Variants in MSH4 observed in about 807,000 individuals in gnomAD.
MSH4 encodes mutS protein homolog 4.
Under a neutral mutation model 113.7 loss-of-function variants are expected in MSH4, and 106 were observed. That is an observed-to-expected ratio of 0.93 (90% CI 0.80 to 1.10). The LOEUF (loss-of-function observed/expected upper bound fraction) is 1.10. Among genes scored for constraint, MSH4 ranks in the 50% least tolerant of loss-of-function variants. The probability of loss-of-function intolerance (pLI) is 0.00; values close to 1 mark genes in which losing one functional copy is unlikely to be tolerated. For missense variants in MSH4, 1,061 were observed against 1,093.7 expected (o/e 0.97, Z 0.42); for synonymous variants, 368 against 380.2 (o/e 0.97, Z 0.37).
chr1:75,882,607 A>AACT (rs1277328360), intron 14 of MSH4, among the ~76,000 whole-genome samples: 1 of 149,510 alleles, frequency 6.7e-6, no homozygotes, highest in Admixed American at 6.8e-5. Context: ...ATCATACCTC[A>AACT]ACTTATGAGC....
chr1:75,808,832 T>C (rs1385331920), intron 3 of MSH4, among the ~76,000 whole-genome samples: 1 of 152,206 alleles, frequency 6.6e-6, no homozygotes, highest in East Asian at 1.9e-4. Flanking sequence ...TCACTCATCA[T>C]TCATTTGGGC....
At chr1:75,906,110 C>T (rs1202472453) in intron 19 of MSH4, among the ~76,000 whole-genome samples, 1 of 151,878 alleles carries the variant, frequency 6.6e-6, no homozygotes, top group Non-Finnish European at 1.5e-5. Context: ...TCTGCCTCAG[C>T]CTCCCAAGTA....
At chr1:75,825,440 A>G (rs12748900) in intron 7 of MSH4, among the ~76,000 whole-genome samples, 1 of 151,812 alleles carries the variant, frequency 6.6e-6, no homozygotes, top group Non-Finnish European at 1.5e-5. Context: ...CTCTTCCTAT[A>G]TGAATACCCT....
rs936572252 is a variant in MSH4 at position 75,883,761 on chromosome 1, A to G, written c.2047A>G (p.Met683Val). The G allele has an allele frequency of 6.2e-7, 1 of 1,613,286 alleles. No individual in the cohort carries two copies. The highest frequency in any genetic ancestry group is 1.3e-5 in the African/African-American group (1 of 74,890). ...TTTTTTGATCATAACTGGACCAAAC[A>G]TGAGTGGAAAATCCACATATTTAAA... ...SNFLIITGPN[M>V]SGKSTYLKQI... Residue 683 changes from methionine to valine, a missense_variant, in exon 15 of 20, where the codon ATG becomes GTG. Transcript: ENST00000263187.
chr1:75,899,775 A>T, intron 19 of MSH4, 69 bp downstream of exon 19: 2 of 613,964 alleles, frequency 3.3e-6, no homozygotes, highest in Non-Finnish European at 2.6e-6. Flanking sequence ...TTTTATTATG[A>T]CCTTTGATCT....
chr1:75,800,824 C>G (rs1649918265), intron 1 of MSH4, among the ~76,000 whole-genome samples: 2 of 152,132 alleles, frequency 1.3e-5, no homozygotes, highest in African/African-American at 4.8e-5. Flanking sequence ...TGACCTGGAG[C>G]TACATTGTCT....
intron 7 of MSH4, among the ~76,000 whole-genome samples, chr1:75,847,250 A>G (rs1156952214): frequency 2.0e-5 from 3 of 152,156 alleles, no homozygotes; most frequent in Admixed American, 2.0e-4. Flanking sequence ...AACGTTGGGG[A>G]TCATATTCAA....
At chr1:75,846,104 A>C (rs75274132) in intron 7 of MSH4, among the ~76,000 whole-genome samples, 1 of 97,102 alleles carries the variant, frequency 1.0e-5, no homozygotes, top group African/African-American at 4.8e-5. Context: ...CAGAGTTCCA[A>C]GGTGCTGCAG....
chr1:75,855,566 A>G (rs555972311), intron 8 of MSH4, among the ~76,000 whole-genome samples: 2 of 152,246 alleles, frequency 1.3e-5, no homozygotes, highest in African/African-American at 4.8e-5. Flanking sequence ...CATAACGCCA[A>G]TCTGTGTTTC....
chr1:75,821,715 C>T (rs1192106792), intron 6 of MSH4, among the ~76,000 whole-genome samples: 1 of 152,162 alleles, frequency 6.6e-6, no homozygotes, highest in East Asian at 1.9e-4. Flanking sequence ...CTCAAGCAAT[C>T]CTCCCATCTC....
chr1:75,879,683 A>G (rs1398082853), intron 12 of MSH4, among the ~76,000 whole-genome samples: 1 of 152,154 alleles, frequency 6.6e-6, no homozygotes, highest in Non-Finnish European at 1.5e-5. Flanking sequence ...AGGTTCAGAT[A>G]TAGGACAAGG....
At chr1:75,813,582 G>A (rs7547056) in intron 4 of MSH4, among the ~76,000 whole-genome samples, 32,950 of 152,042 alleles carry the variant, frequency 0.22, 3,790 homozygotes, top group Middle Eastern at 0.31. Context: ...CATTGATAAG[G>A]TTACATTTGG....
At chr1:75,858,183 T>C (rs1002053795) in intron 8 of MSH4, among the ~76,000 whole-genome samples, 1 of 152,250 alleles carries the variant, frequency 6.6e-6, no homozygotes, top group African/African-American at 2.4e-5. Flanking sequence ...AATGGGGTTT[T>C]CTAAATATAC....
At chr1:75,871,539 C>T (rs1651712536) in intron 9 of MSH4, among the ~76,000 whole-genome samples, 1 of 152,044 alleles carries the variant, frequency 6.6e-6, no homozygotes, top group South Asian at 2.1e-4. Context: ...CAATTAAAAC[C>T]ATAGTTCTTA....
At chr1:75,818,130 A>T (rs1226086967) in intron 6 of MSH4, among the ~76,000 whole-genome samples, 1 of 152,118 alleles carries the variant, frequency 6.6e-6, no homozygotes, top group Non-Finnish European at 1.5e-5. Context: ...ACCTTCCTAT[A>T]GTTTATTCTC....
intron 8 of MSH4, among the ~76,000 whole-genome samples, chr1:75,864,047 A>G (rs1025116273): frequency 6.6e-6 from 1 of 152,170 alleles, no homozygotes; most frequent in Non-Finnish European, 1.5e-5. Flanking sequence ...ACTTTTAGTA[A>G]TCATTTCCTT....
intron 7 of MSH4, among the ~76,000 whole-genome samples, chr1:75,842,294 T>G (rs1054641568): frequency 1.3e-5 from 2 of 152,112 alleles, no homozygotes; most frequent in Non-Finnish European, 1.5e-5. Flanking sequence ...TTCAGAGAGA[T>G]AGCAGGTTGT....
chr1:75,853,560 G>C (rs1309358769), intron 8 of MSH4, among the ~76,000 whole-genome samples: 1 of 152,106 alleles, frequency 6.6e-6, no homozygotes, highest in Non-Finnish European at 1.5e-5. Context: ...TAATTAATAA[G>C]TATTTTGTGG....
At chr1:75,900,058 T>C (rs1204326922) in intron 19 of MSH4, among the ~76,000 whole-genome samples, 1 of 151,948 alleles carries the variant, frequency 6.6e-6, no homozygotes, top group Admixed American at 6.6e-5. Flanking sequence ...AATTATATAT[T>C]TTTTATAGTT....
Sources: allele counts gnomAD v4.1 joint callset (sites outside exome capture counted in the v4.1 genomes callset), GRCh38; gene constraint gnomAD v4.1.1; transcripts MANE v1.5; gene names NCBI Gene and HGNC (gene_info 2026-07-23, HGNC 2026-07-21).